GNB1: variants seen among roughly 807,000 people sequenced by gnomAD.
The protein encoded by GNB1 is guanine nucleotide-binding protein G(I)/G(S)/G(T) subunit beta-1.
A neutral mutation model predicts 42.9 loss-of-function variants in GNB1; 2 were observed. That is an observed-to-expected ratio of 0.05 (90% CI 0.02 to 0.15). GNB1 has a LOEUF of 0.15. GNB1 is among the 10% of genes least tolerant of loss of function. The pLI, the probability that GNB1 is intolerant of heterozygous loss-of-function variation, is 1.00. For missense variants in GNB1, 193 were observed against 462.2 expected (o/e 0.42, Z 5.34); for synonymous variants, 183 against 174.7 (o/e 1.05, Z -0.38).
chr1:1,812,683 G>A (rs887659583), intron 5 of GNB1, among the ~76,000 whole-genome samples: 2 of 152,206 alleles, frequency 1.3e-5, no homozygotes, highest in Non-Finnish European at 2.9e-5. Context: ...TGCTCACAGG[G>A]TGGCCATGAT....
At chr1:1,807,089 A>G (rs1646705250) in intron 5 of GNB1, among the ~76,000 whole-genome samples, 1 of 152,170 alleles carries the variant, frequency 6.6e-6, no homozygotes, top group Admixed American at 6.6e-5. Context: ...CCCCAACCGA[A>G]TGCAGGCCAC....
At chr1:1,825,322 C>T in intron 3 of GNB1, 75 bp downstream of exon 3, 1 of 1,024,454 alleles carries the variant, frequency 9.8e-7, no homozygotes, top group Non-Finnish European at 1.6e-6. Flanking sequence ...TCCTGTAAAC[C>T]ATTTTTCCTA....
At chr1:1,855,151 C>T (rs1453717343) in intron 1 of GNB1, among the ~76,000 whole-genome samples, 9 of 86,562 alleles carry the variant, frequency 1.0e-4, no homozygotes, top group Non-Finnish European at 1.3e-4. Context: ...AGAGCAAGAC[C>T]GTATCTCAAA....
intron 1 of GNB1, among the ~76,000 whole-genome samples, chr1:1,877,600 A>C (rs985606245): frequency 6.6e-6 from 1 of 152,024 alleles, no homozygotes; most frequent in African/African-American, 2.4e-5. Flanking sequence ...AGCCTCCCAA[A>C]GTGCTAAGAT....
chr1:1,809,277 CAATT>C (rs1471571758), intron 5 of GNB1, among the ~76,000 whole-genome samples: 1 of 149,018 alleles, frequency 6.7e-6, no homozygotes, highest in Non-Finnish European at 1.5e-5. Flanking sequence ...CAGATGCAAG[CAATT>C]CTCGTGCGTC....
chr1:1,826,549 T>G (rs971876794), intron 2 of GNB1, among the ~76,000 whole-genome samples: 1 of 152,148 alleles, frequency 6.6e-6, no homozygotes, highest in African/African-American at 2.4e-5. Context: ...TCAGTAACCA[T>G]GAACCGCTAC....
chr1:1,802,469 T>A (rs1289844763), intron 7 of GNB1, among the ~76,000 whole-genome samples: 1 of 152,140 alleles, frequency 6.6e-6, no homozygotes, highest in Non-Finnish European at 1.5e-5. Context: ...CATTGAATGA[T>A]AATTAAAATA....
intron 1 of GNB1, among the ~76,000 whole-genome samples, chr1:1,871,526 C>T (rs371242606): frequency 1.3e-5 from 2 of 152,090 alleles, no homozygotes; most frequent in South Asian, 2.1e-4. Flanking sequence ...CCCACCTCTC[C>T]GTGTCTCCTC....
At chr1:1,865,485 C>A (rs1648884191) in intron 1 of GNB1, among the ~76,000 whole-genome samples, 1 of 152,058 alleles carries the variant, frequency 6.6e-6, no homozygotes, top group African/African-American at 2.4e-5. Context: ...ACTCAGGAGG[C>A]TGAGGCAGGA....
chr1:1,880,818 C>A (rs1649803122), intron 1 of GNB1, among the ~76,000 whole-genome samples: 1 of 152,106 alleles, frequency 6.6e-6, no homozygotes, highest in Admixed American at 6.6e-5. Flanking sequence ...GGAGTCACTA[C>A]GTCAGCATTT....
chr1:1,811,307 C>T (rs982181239), intron 5 of GNB1, among the ~76,000 whole-genome samples: 1 of 151,892 alleles, frequency 6.6e-6, no homozygotes, highest in Admixed American at 6.6e-5. Context: ...AGGCTGGTCT[C>T]GAACTCCTGA....
At chr1:1,855,840 G>A (rs1325973078) in intron 1 of GNB1, among the ~76,000 whole-genome samples, 1 of 152,246 alleles carries the variant, frequency 6.6e-6, no homozygotes, top group East Asian at 1.9e-4. Flanking sequence ...CAAAGAGGAG[G>A]AGGCAATAGT....
At chr1:1,823,864 T>C (rs574038824) in intron 3 of GNB1, among the ~76,000 whole-genome samples, 44 of 152,318 alleles carry the variant, frequency 2.9e-4, no homozygotes, top group African/African-American at 7.7e-4. Context: ...TGTTGTTTTT[T>C]ATTTTATTTT....
At chr1:1,829,229 G>A (rs981129373) in intron 2 of GNB1, among the ~76,000 whole-genome samples, 2 of 152,022 alleles carry the variant, frequency 1.3e-5, no homozygotes, top group African/African-American at 4.8e-5. Flanking sequence ...GCTAGTTTTT[G>A]TATTTTTAGT....
intron 1 of GNB1, among the ~76,000 whole-genome samples, chr1:1,848,933 C>T (rs908013100): frequency 4.6e-5 from 7 of 152,154 alleles, no homozygotes; most frequent in Non-Finnish European, 8.8e-5. Flanking sequence ...TTGGATGTTC[C>T]GGAGTGATAG....
chr1:1,832,980 C>T (rs1203717443), intron 2 of GNB1, among the ~76,000 whole-genome samples: 2 of 152,158 alleles, frequency 1.3e-5, no homozygotes, highest in African/African-American at 4.8e-5. Flanking sequence ...TAAACTATGA[C>T]GTGTACCTTT....
intron 1 of GNB1, among the ~76,000 whole-genome samples, chr1:1,851,507 G>A (rs765919008): frequency 3.3e-5 from 5 of 151,664 alleles, no homozygotes; most frequent in Non-Finnish European, 5.9e-5. Context: ...CTTGAACCTG[G>A]GATACCACTG....
intron 2 of GNB1, among the ~76,000 whole-genome samples, chr1:1,829,947 C>A (rs1647053223): frequency 6.6e-6 from 1 of 151,876 alleles, no homozygotes; most frequent in Non-Finnish European, 1.5e-5. Context: ...ATCATGTTGG[C>A]CAGGCTGGTC....
At chr1:1,880,525 G>A (rs886472201) in intron 1 of GNB1, among the ~76,000 whole-genome samples, 16 of 152,002 alleles carry the variant, frequency 1.1e-4, no homozygotes, top group African/African-American at 3.1e-4. Context: ...GGCGGAGCTG[G>A]CAGTGAGCCG....
Sources: gnomAD v4.1 joint callset for allele counts (sites outside exome capture counted in the v4.1 genomes callset) on GRCh38, gnomAD v4.1.1 for gene constraint, MANE v1.5 for transcripts, NCBI Gene and HGNC (gene_info 2026-07-23, HGNC 2026-07-21) for gene names.